VWA3A: variants seen among roughly 807,000 people sequenced by gnomAD.
The protein encoded by VWA3A is von Willebrand factor A domain-containing protein 3A.
A neutral mutation model predicts 160.4 loss-of-function variants in VWA3A; 134 were observed. The ratio of observed to expected loss-of-function variants is 0.84; its 90% CI spans 0.73 to 0.96. The LOEUF (loss-of-function observed/expected upper bound fraction) is 0.96. Among genes scored for constraint, VWA3A ranks in the 40% least tolerant of loss-of-function variants. The pLI is 0.00. For missense variants in VWA3A, 1,310 were observed against 1,447.9 expected (o/e 0.90, Z 1.55); for synonymous variants, 476 against 543.4 (o/e 0.88, Z 1.72).
chr16:22,100,139 C>G (rs2045385199), intron 3 of VWA3A, 55 bp from the exon 4 acceptor site: 5 of 1,486,332 alleles, frequency 3.4e-6, no homozygotes, highest in Non-Finnish European at 4.5e-6. Flanking sequence ...TGAAGGGAAC[C>G]TCTTCCTTCC....
At chr16:22,130,582 C>T (rs79653483) in intron 17 of VWA3A, among the ~76,000 whole-genome samples, 13,101 of 152,064 alleles carry the variant, frequency 0.086, 704 homozygotes, top group African/African-American at 0.15. Context: ...ACAAATGAGA[C>T]AATGTGGGTT....
intron 15 of VWA3A, 162 bp from the exon 16 acceptor site, chr16:22,123,451 T>C: frequency 6.5e-7 from 1 of 1,543,696 alleles, no homozygotes; most frequent in Non-Finnish European, 8.7e-7. Context: ...CCTGTTCTTG[T>C]GGTGAATTTG....
At chr16:22,092,781 A>G in intron 1 of VWA3A, 130 bp downstream of exon 1, 1 of 1,191,850 alleles carries the variant, frequency 8.4e-7, no homozygotes, top group Non-Finnish European at 1.2e-6. Context: ...CTACATGCCG[A>G]GCATTGGGCT....
chr16:22,102,581 A>G (rs1247801792), intron 5 of VWA3A, among the ~76,000 whole-genome samples: 3 of 152,172 alleles, frequency 2.0e-5, no homozygotes, highest in African/African-American at 7.2e-5. Flanking sequence ...CTAGTCTTCA[A>G]CCAGTCATTG....
At chr16:22,143,733 C>A (rs1009816316) in intron 25 of VWA3A, among the ~76,000 whole-genome samples, 1 of 139,962 alleles carries the variant, frequency 7.1e-6, no homozygotes, top group Non-Finnish European at 1.5e-5. Context: ...CCCACTATTT[C>A]TTTCTTTCTT....
At chr16:22,120,740 G>A (rs1171892055) in intron 12 of VWA3A, among the ~76,000 whole-genome samples, 1 of 152,108 alleles carries the variant, frequency 6.6e-6, no homozygotes, top group African/African-American at 2.4e-5. Context: ...CCAGGAGCAT[G>A]GGCCACTGTG....
chr16:22,122,140 G>GATGT (rs1491133924), intron 14 of VWA3A, among the ~76,000 whole-genome samples: 1 of 148,770 alleles, frequency 6.7e-6, no homozygotes, highest in Non-Finnish European at 1.5e-5. Flanking sequence ...TGGATGGATG[G>GATGT]ATGGATGGAT....
At position 22,106,795 on chromosome 16, in the gene VWA3A, C is replaced by T. The variant is rs371569898; in HGVS notation, c.484-2687C>T. Among the ~76,000 whole-genome samples, 20 of 152,244 alleles carry T rather than the reference C, an allele frequency of 1.3e-4. No individual in the cohort carries two copies. In the East Asian group the frequency reaches 1.4e-3, roughly 10 times the overall value. On this transcript the variant is annotated intron_variant, in intron 6 of 33. Coordinates refer to ENST00000389398, the MANE Select transcript of VWA3A (RefSeq NM_173615.5). ...GTGGAAACAGGACAACCGCTCTGGGCGAGAACGATGGAGGCTTGGACTCAA... is the reference window on the plus strand; with the variant it reads ...GTGGAAACAGGACAACCGCTCTGGGTGAGAACGATGGAGGCTTGGACTCAA...
chr16:22,122,126 TG>T (rs2141915274), intron 14 of VWA3A, among the ~76,000 whole-genome samples: 2 of 140,248 alleles, frequency 1.4e-5, no homozygotes, highest in East Asian at 5.1e-4. Flanking sequence ...GAATGATGGA[TG>T]GATGGATGGA....
At chr16:22,140,608 C>CTT (rs1162326276) in intron 23 of VWA3A, among the ~76,000 whole-genome samples, 26 of 134,530 alleles carry the variant, frequency 1.9e-4, no homozygotes, top group Non-Finnish European at 2.3e-4. Flanking sequence ...CCTGTCTCTA[C>CTT]TTTTTTTTTT....
Position 22,146,420 on chromosome 16 carries a change from C to A in VWA3A, c.2839+76C>A. On this transcript the variant is annotated intron_variant, in intron 27 of 33. Transcript: ENST00000389398. ...AGGCTAGCCCCAGGGACCCCAGTGT[C>A]AGTCCTTCCAAAGCCAGGCCTTCAA... 2.3e-6 allele frequency: 3 copies of A among 1,282,472 alleles called. No homozygotes were observed. The South Asian group carries it at 4.0e-5, about 17-fold the overall frequency. 79.4% of individuals were successfully genotyped at this position (1,282,472 alleles called of 1,614,324 possible).
Position 22,121,551 on chromosome 16 carries a change from T to C in VWA3A, c.1290T>C (p.Asn430=), listed in dbSNP as rs757683691. 6.2e-7 allele frequency: 1 copy of C among 1,613,786 alleles called. No homozygotes were observed. The highest frequency in any genetic ancestry group is 1.1e-5 in the South Asian group (1 of 91,074). ...GTCTATATCAGGTCCTGGCACCCAA[T>C]GCATTCTCTCCTGTGGAGGAATTTG... ...KLSLYQVLAP[N]AFSPVEEFVP... Residue 430 remains asparagine (N), a synonymous_variant, in exon 14 of 34, where the codon AAT becomes AAC. Coordinates refer to ENST00000389398, the MANE Select transcript of VWA3A (RefSeq NM_173615.5).
At chr16:22,100,091 T>A in intron 3 of VWA3A, 103 bp from the exon 4 acceptor site, 2 of 1,324,154 alleles carry the variant, frequency 1.5e-6, no homozygotes, top group Non-Finnish European at 2.0e-6. Context: ...AAAAAAAAGA[T>A]AGGGTCAGTC....
At chr16:22,104,366 G>C (rs995542480) in intron 6 of VWA3A, among the ~76,000 whole-genome samples, 1 of 152,162 alleles carries the variant, frequency 6.6e-6, no homozygotes, top group Admixed American at 6.6e-5. Flanking sequence ...GTGCAAGCCT[G>C]CAATCCCAGC....
intron 6 of VWA3A, among the ~76,000 whole-genome samples, chr16:22,107,194 G>A (rs555419266): frequency 1.3e-5 from 2 of 152,174 alleles, no homozygotes; most frequent in East Asian, 1.9e-4. Flanking sequence ...AAGAACAGTG[G>A]TTCTCCACCA....
intron 17 of VWA3A, among the ~76,000 whole-genome samples, chr16:22,127,737 G>A (rs2045876041): frequency 2.0e-5 from 3 of 152,190 alleles, no homozygotes; most frequent in Non-Finnish European, 4.4e-5. Context: ...CCCTGTGCCA[G>A]GCACTGGGGA....
intron 3 of VWA3A, among the ~76,000 whole-genome samples, chr16:22,098,911 CAAAAAAAAA>C (rs900328333): frequency 1.6e-3 from 66 of 41,062 alleles, no homozygotes; most frequent in African/African-American, 5.5e-3. Context: ...CCTGTTTCCA[CAAAAAAAAA>C]AAAAAAAAAA....
rs373840763 is a variant in VWA3A, at chr16:22,110,953, C to T, written c.648C>T (p.Ala216=). The change falls in exon 8 of 34, where the codon GCC becomes GCT. Residue 216 remains alanine (A), a synonymous_variant. Transcript: ENST00000389398. ...KLFVLSFGTN[A]GSLWPDPMEV... ...TTGTCCTGTCCTTTGGCACCAATGC[C>T]GGGTCCCTCTGGCCAGACCCCATGG... 4.8e-5 allele frequency: 78 copies of T among 1,610,254 alleles called. No homozygotes were observed. In the South Asian group the frequency reaches 5.9e-4, roughly 12 times the overall value.
intron 8 of VWA3A, 81 bp from the exon 9 acceptor site, chr16:22,115,266 C>T: frequency 7.0e-7 from 1 of 1,438,318 alleles, no homozygotes; most frequent in Non-Finnish European, 9.2e-7. Context: ...ACACAGCAAG[C>T]CCTTATCTCT....
Sources: allele counts gnomAD v4.1 joint callset (sites outside exome capture counted in the v4.1 genomes callset), GRCh38; gene constraint gnomAD v4.1.1; transcripts MANE v1.5; gene names NCBI Gene and HGNC (gene_info 2026-07-23, HGNC 2026-07-21).